Variants in FGFR2 observed in about 807,000 individuals in gnomAD.
The protein encoded by FGFR2 is BEK fibroblast growth factor receptor.
Under a neutral mutation model 95.9 loss-of-function variants are expected in FGFR2, and 19 were observed. That is an observed-to-expected ratio of 0.20 (90% CI 0.14 to 0.29). FGFR2 has a LOEUF of 0.29. Ranked by LOEUF, FGFR2 falls within the 10% of genes least tolerant of loss-of-function variation. The pLI is 1.00. For missense variants in FGFR2, 707 were observed against 1,056.9 expected, an observed-to-expected ratio of 0.67 and a Z score of 4.59; for synonymous variants, 392 against 393.3, an observed-to-expected ratio of 1.00 and a Z score of 0.04.
At chr10:121,488,268 C>T (rs765533060) in intron 13 of FGFR2, among the ~76,000 whole-genome samples, 155 bp from the exon 14 acceptor site, 3 of 151,824 alleles carry the variant, frequency 2.0e-5, no homozygotes, top group Non-Finnish European at 4.4e-5. Flanking sequence ...TGGCCGGGTG[C>T]GGTGGCTCAT....
chr10:121,545,966 C>T (rs1269922960), intron 5 of FGFR2, among the ~76,000 whole-genome samples: 2 of 152,118 alleles, frequency 1.3e-5, no homozygotes, highest in African/African-American at 2.4e-5. Context: ...GTTGAATGAG[C>T]CCTCTGTCCT....
At chr10:121,493,280 T>C (rs1404618891) in intron 13 of FGFR2, among the ~76,000 whole-genome samples, 1 of 152,200 alleles carries the variant, frequency 6.6e-6, no homozygotes, top group Non-Finnish European at 1.5e-5. Context: ...CACTTTAATA[T>C]GGGTACTTCC....
In FGFR2 at chr10:121,546,684, G is replaced by T. The variant is rs189753923; in HGVS notation, c.624+4606C>A. ...CCTCCTCCCTTTATAGGCCGCACAT[G>T]CATGCCATTTCAAAACAAGCTGTAA... On this transcript the variant is annotated intron_variant, in intron 5 of 17. Transcript: ENST00000358487. 1.8e-4 allele frequency among the ~76,000 whole-genome samples: 27 copies of T among 152,204 alleles called. No homozygotes were observed. The East Asian group carries it at 5.2e-3, about 29-fold the overall frequency.
intron 13 of FGFR2, among the ~76,000 whole-genome samples, chr10:121,488,961 T>C (rs570454789): frequency 6.6e-6 from 1 of 152,374 alleles, no homozygotes; most frequent in South Asian, 2.1e-4. Context: ...TCTGAATTGT[T>C]AGACGCAAAT....
At chr10:121,532,133 C>T (rs1289432447) in intron 6 of FGFR2, among the ~76,000 whole-genome samples, 2 of 152,198 alleles carry the variant, frequency 1.3e-5, no homozygotes, top group African/African-American at 2.4e-5. Flanking sequence ...AATTCACTGG[C>T]AGCAAAGTCA....
At chr10:121,594,152 ATG>A (rs1863101305) in intron 1 of FGFR2, 185 bp from the exon 2 acceptor site, 1 of 482,820 alleles carries the variant, frequency 2.1e-6, no homozygotes, top group Admixed American at 3.4e-5. Flanking sequence ...GTCCACAGAA[ATG>A]TGTGAGGCTA....
At chr10:121,595,858 G>A (rs1291916703) in intron 1 of FGFR2, among the ~76,000 whole-genome samples, 3 of 152,204 alleles carry the variant, frequency 2.0e-5, no homozygotes, top group African/African-American at 7.2e-5. Flanking sequence ...CCATCATCCC[G>A]CTAGCTGGCA....
intron 10 of FGFR2, among the ~76,000 whole-genome samples, chr10:121,503,583 T>TA (rs941629355): frequency 1.3e-5 from 2 of 152,186 alleles, no homozygotes; most frequent in African/African-American, 4.8e-5. Context: ...CAGGGGCAAG[T>TA]AGCTCTGCTT....
intron 4 of FGFR2, among the ~76,000 whole-genome samples, chr10:121,561,993 A>T (rs1408547767): frequency 6.6e-6 from 1 of 152,208 alleles, no homozygotes; most frequent in Non-Finnish European, 1.5e-5. Context: ...ACAAAATACC[A>T]TTACACACCT....
chr10:121,507,737 T>C (rs993504622), intron 9 of FGFR2, among the ~76,000 whole-genome samples: 1 of 152,184 alleles, frequency 6.6e-6, no homozygotes, highest in African/African-American at 2.4e-5. Context: ...CAATATTTTC[T>C]CTTAGTCCCT....
At chr10:121,573,676 G>C (rs1228613449) in intron 2 of FGFR2, among the ~76,000 whole-genome samples, 1 of 114,004 alleles carries the variant, frequency 8.8e-6, no homozygotes, top group African/African-American at 3.9e-5. Context: ...AGGAGAAAGA[G>C]GGAGGGGCAG....
chr10:121,597,809 T>A (rs1373293664), intron 1 of FGFR2, among the ~76,000 whole-genome samples, 153 bp downstream of exon 1: 1 of 152,178 alleles, frequency 6.6e-6, no homozygotes, highest in Non-Finnish European at 1.5e-5. Flanking sequence ...CCATCACCTA[T>A]GCAGCCACAG....
rs966190563 is a variant in FGFR2, at chr10:121,518,943, G to A, written c.939+1036C>T. The A allele has an allele frequency of 1.9e-5, 24 of 1,248,768 alleles. No individual in the cohort carries two copies. Among genetic ancestry groups the A allele is most frequent in the East Asian group, 4.7e-5 (2 of 42,218 alleles). The allele number at this position is 1,248,768 out of a possible 1,614,324, so 77.4% of individuals were successfully genotyped here. On this transcript the variant is annotated intron_variant, in intron 7 of 17. Transcript: ENST00000358487. The surrounding 1 kb of genome is among the most constrained non-coding windows in gnomAD (Gnocchi z 4.0). ...ACAAACTCCATTACGTCTAAACAGCGGCATTAAAGGGCTGCGGATTTTAAA... is the reference window on the plus strand; with the variant it reads ...ACAAACTCCATTACGTCTAAACAGCAGCATTAAAGGGCTGCGGATTTTAAA...
chr10:121,480,256 C>T (rs1013187526), intron 17 of FGFR2: 12 of 608,874 alleles, frequency 2.0e-5, no homozygotes, highest in African/African-American at 1.3e-4. Flanking sequence ...CCTGAGACCA[C>T]GTCTGATGTA....
chr10:121,529,259 A>C lies in FGFR2; in HGVS notation c.749-9090T>G, dbSNP rs189756155. Among the ~76,000 whole-genome samples, 539 of 151,920 alleles carry C rather than the reference A, an allele frequency of 3.5e-3. 3 individuals carry two copies. The highest frequency in any genetic ancestry group is 0.012 in the African/African-American group (495 of 41,440). Reference sequence around the variant, plus strand: ...GAGTAGCTGGGATTACAGGCACACAACACCACGCCTGGCTAATTTTTGTAT... The same window carrying C: ...GAGTAGCTGGGATTACAGGCACACACCACCACGCCTGGCTAATTTTTGTAT... On this transcript the variant is annotated intron_variant, in intron 6 of 17. Transcript: ENST00000358487.
At chr10:121,547,400 CTTTTTTT>C (rs764591388) in intron 5 of FGFR2, among the ~76,000 whole-genome samples, 3 of 139,416 alleles carry the variant, frequency 2.2e-5, no homozygotes, top group African/African-American at 5.3e-5. Flanking sequence ...CCTTTTTTTT[CTTTTTTT>C]TTTTTTTGAC....
chr10:121,483,840 G>A (rs1271256019), intron 16 of FGFR2, 37 bp from the exon 17 acceptor site: 1 of 1,483,200 alleles, frequency 6.7e-7, no homozygotes, highest in Non-Finnish European at 9.4e-7. Context: ...AATTTCATAT[G>A]CACTGGGTAC....
intron 12 of FGFR2, among the ~76,000 whole-genome samples, chr10:121,498,042 C>T (rs910247622): frequency 6.6e-6 from 1 of 152,164 alleles, no homozygotes; most frequent in Non-Finnish European, 1.5e-5. Flanking sequence ...TCCTTCATAC[C>T]GCTTTCTCCT....
chr10:121,500,781 A>G, intron 11 of FGFR2, 45 bp downstream of exon 11: 1 of 1,609,134 alleles, frequency 6.2e-7, no homozygotes. Flanking sequence ...TCTTGATAAG[A>G]CTCTCCACCC....
Sources: gnomAD v4.1 joint callset for allele counts (sites outside exome capture counted in the v4.1 genomes callset) on GRCh38, gnomAD v4.1.1 for gene constraint, Gnocchi (gnomAD v3.1) non-coding constraint, MANE v1.5 for transcripts, NCBI Gene and HGNC (gene_info 2026-07-23, HGNC 2026-07-21) for gene names.